Variants in VANGL1 observed in about 807,000 individuals in gnomAD.
VANGL1 encodes the protein vang-like protein 1.
VANGL1 carries 18 observed loss-of-function variants against 48.4 expected under a neutral mutation model. That is an observed-to-expected ratio of 0.37 (90% CI 0.26 to 0.55). VANGL1 has a LOEUF of 0.55. Ranked by LOEUF, VANGL1 falls within the 20% of genes least tolerant of loss-of-function variation. The pLI is 0.81. For missense variants in VANGL1, 667 were observed against 675.8 expected (o/e 0.99, Z 0.14); for synonymous variants, 257 against 261.8 (o/e 0.98, Z 0.18).
rs1339507080 is a variant in VANGL1 at position 115,651,493 on chromosome 1, G to A, written c.71+9G>A. ...AAATCTCACAGACAAGGGTATGTAA[G>A]TTGTTCATTATTACACTTTTCCTTT... On this transcript the variant is annotated intron_variant, in intron 2 of 7. Coordinates refer to ENST00000355485, the MANE Select transcript of VANGL1 (RefSeq NM_138959.3). The A allele has an allele frequency of 1.2e-6, 2 of 1,612,846 alleles. No individual in the cohort carries two copies. Among genetic ancestry groups the A allele is most frequent in the Non-Finnish European group, 1.7e-6 (2 of 1,179,066 alleles).
intron 1 of VANGL1, among the ~76,000 whole-genome samples, chr1:115,649,998 G>C (rs1231876002): frequency 6.6e-6 from 1 of 152,146 alleles, no homozygotes; most frequent in Non-Finnish European, 1.5e-5. Flanking sequence ...GGCCCTGGGT[G>C]GCAGACCTTG....
chr1:115,667,942 A>C, intron 4 of VANGL1, among the ~76,000 whole-genome samples: 1 of 152,260 alleles, frequency 6.6e-6, no homozygotes, highest in East Asian at 1.9e-4. Context: ...GTAGAACAAC[A>C]GAGACAGATA....
intron 4 of VANGL1, among the ~76,000 whole-genome samples, chr1:115,680,124 G>A (rs962867055): frequency 2.6e-5 from 4 of 152,102 alleles, no homozygotes; most frequent in African/African-American, 9.7e-5. Flanking sequence ...GAATGCCATG[G>A]ACAGGGGGCA....
At position 115,683,952 on chromosome 1, in the gene VANGL1, A is replaced by G; in HGVS notation, c.955A>G (p.Asn319Asp). 6.2e-7 allele frequency: 1 copy of G among 1,613,594 alleles called. No individual in the cohort carries two copies. ...LKVYNVDGPSNNATGQSRAMI... is the reference protein window; with the variant it reads ...LKVYNVDGPSDNATGQSRAMI... ...CTGTCCTTTCCCCAAAGGCCCCAGT[A>G]ACAATGCCACTGGCCAGTCCCGGGC... is the stretch of plus-strand genomic sequence containing the variant. The change falls in exon 6 of 8, where the codon AAC becomes GAC. Residue 319 changes from asparagine to aspartate, a missense_variant. Transcript: ENST00000355485.
intron 1 of VANGL1, among the ~76,000 whole-genome samples, chr1:115,643,845 A>C (rs1570731369): frequency 6.6e-6 from 1 of 152,276 alleles, no homozygotes; most frequent in East Asian, 1.9e-4. Context: ...CATCCCCTTA[A>C]CACACTTATA....
Position 115,685,402 on chromosome 1 carries a change from A to G in VANGL1, c.1189A>G (p.Ile397Val), listed in dbSNP as rs373242373. The stretch of plus-strand genomic sequence containing the variant: ...GGACCCTAGGGAGGCCGCCCAGGCC[A>G]TTTTCCCCTCCATGGCCAGGGCTCT... ...VMDPREAAQA[I>V]FPSMARALQK... Residue 397 changes from isoleucine to valine, a missense_variant, in exon 7 of 8, where the codon ATT (isoleucine) becomes GTT (valine). Coordinates refer to ENST00000355485, the MANE Select transcript of VANGL1 (RefSeq NM_138959.3). 1 of 1,613,972 alleles carries G rather than the reference A, an allele frequency of 6.2e-7. No homozygotes were observed. Among genetic ancestry groups the G allele is most frequent in the Non-Finnish European group, 8.5e-7 (1 of 1,180,008 alleles).
intron 1 of VANGL1, among the ~76,000 whole-genome samples, chr1:115,646,724 G>A (rs538839353): frequency 2.9e-4 from 44 of 152,212 alleles, no homozygotes; most frequent in African/African-American, 9.6e-4. Context: ...AGTCATGAAA[G>A]TGCCTCTGCC....
At chr1:115,682,955 C>T (rs1182119345) in intron 5 of VANGL1, among the ~76,000 whole-genome samples, 9 of 152,142 alleles carry the variant, frequency 5.9e-5, no homozygotes, top group Non-Finnish European at 1.5e-5. Flanking sequence ...GGCTGGAGGC[C>T]AGGCTGGGTA....
At chr1:115,652,693 C>A (rs1034697843) in intron 2 of VANGL1, among the ~76,000 whole-genome samples, 1 of 152,136 alleles carries the variant, frequency 6.6e-6, no homozygotes, top group African/African-American at 2.4e-5. Flanking sequence ...CTGCGCTCTT[C>A]CCCATACAAG....
At chr1:115,669,633 C>CGCCATGTAAGATGTGCCA (rs773407952) in intron 4 of VANGL1, among the ~76,000 whole-genome samples, 2 of 151,796 alleles carry the variant, frequency 1.3e-5, no homozygotes, top group African/African-American at 4.8e-5. Context: ...TCTTCGTTGT[C>CGCCATGTAAGATGTGCCA]TGTAAGATGT....
chr1:115,682,467 A>G lies in VANGL1; in HGVS notation c.916A>G (p.Met306Val), dbSNP rs1487079726. ...CTCCAAATTCCGAGCAGCCAAGCAT[A>G]TGGCCGGGCTGAAAGTCTACAATGT... ...TASKFRAAKH[M>V]AGLKVYNVDG... The change falls in exon 5 of 8, where the codon ATG becomes GTG. Residue 306 changes from methionine to valine, a missense_variant. Transcript: ENST00000355485. 3 of 1,614,166 alleles carry G rather than the reference A, an allele frequency of 1.9e-6. No homozygotes were observed. The highest frequency in any genetic ancestry group is 1.7e-5 in the Admixed American group (1 of 60,030).
At position 115,693,197 on chromosome 1, in the gene VANGL1, G is replaced by C. The variant is rs1001449598; in HGVS notation, c.*1818G>C. On this transcript the variant is annotated 3_prime_UTR_variant, in exon 8 of 8. Transcript: ENST00000355485. The stretch of plus-strand genomic sequence containing the variant: ...AAAACACATACCATGGAACCATGGT[G>C]CTTTTGTTCTTAGTTTTTGCCGTTA... 7 of 152,600 alleles carry C rather than the reference G, an allele frequency of 4.6e-5. No homozygotes were observed. The highest frequency in any genetic ancestry group is 1.7e-4 in the African/African-American group (7 of 41,418). The allele number at this position is 152,600 out of a possible 1,614,324, so 9.5% of individuals were successfully genotyped here.
At chr1:115,676,766 G>T (rs1221389741) in intron 4 of VANGL1, among the ~76,000 whole-genome samples, 1 of 152,230 alleles carries the variant, frequency 6.6e-6, no homozygotes, top group Non-Finnish European at 1.5e-5. Context: ...CCAGCACCTG[G>T]TATACTTGGA....
intron 6 of VANGL1, 52 bp downstream of exon 6, chr1:115,684,128 T>TTTTA (rs34363411): frequency 0.1 from 142,954 of 1,384,790 alleles, 8,612 homozygotes; most frequent in African/African-American, 0.14. Context: ...TAAATTTTTA[T>TTTTA]TTTATTTATT....
chr1:115,669,632 TCTGTAAGATG>T (rs1344303923), intron 4 of VANGL1, among the ~76,000 whole-genome samples: 4 of 113,936 alleles, frequency 3.5e-5, no homozygotes, highest in South Asian at 3.5e-4. Flanking sequence ...TTCTTCGTTG[TCTGTAAGATG>T]TGCCATGTAA....
chr1:115,646,106 A>G (rs927614546), intron 1 of VANGL1, among the ~76,000 whole-genome samples: 4 of 152,328 alleles, frequency 2.6e-5, no homozygotes, highest in Admixed American at 2.0e-4. Context: ...ATATGAGTGA[A>G]CATGACTTTA....
Position 115,691,396 on chromosome 1 carries a change from GCTTTATT to G in VANGL1, c.*18_*24del. On this transcript the variant is annotated 3_prime_UTR_variant, in exon 8 of 8. Transcript: ENST00000355485. The stretch of plus-strand genomic sequence containing the variant: ...TCCGTTTAAAAGTTCTATATTTGTG[GCTTTATT>G]AAAAAAAAAAGAAAAATATATAGAG... 1 of 1,601,712 alleles carries G rather than the reference GCTTTATT, an allele frequency of 6.2e-7. No individual in the cohort carries two copies. Among genetic ancestry groups the G allele is most frequent in the Non-Finnish European group, 8.5e-7 (1 of 1,177,090 alleles).
At chr1:115,686,434 T>C (rs1653630075) in intron 7 of VANGL1, among the ~76,000 whole-genome samples, 1 of 149,844 alleles carries the variant, frequency 6.7e-6, no homozygotes, top group Admixed American at 6.6e-5. Context: ...TTTTACTGAG[T>C]GGTCTTTTAG....
Position 115,659,638 on chromosome 1 carries a change from C to T in VANGL1, c.72-3C>T. ...AATGTGCTAGCTCATTGTTGTTTTT[C>T]AGGGAAAGAACTAGAGAGAGACACA... On this transcript the variant is annotated splice_polypyrimidine_tract_variant and splice_region_variant and intron_variant, in intron 2 of 7. Transcript: ENST00000355485. 1 of 1,613,838 alleles carries T rather than the reference C, an allele frequency of 6.2e-7. No homozygotes were observed. The highest frequency in any genetic ancestry group is 8.5e-7 in the Non-Finnish European group (1 of 1,179,980).
Sources: gnomAD v4.1 joint callset for allele counts (sites outside exome capture counted in the v4.1 genomes callset) on GRCh38, gnomAD v4.1.1 for gene constraint, MANE v1.5 for transcripts, NCBI Gene and HGNC (gene_info 2026-07-23, HGNC 2026-07-21) for gene names.